CCDC3: variants seen among roughly 807,000 people sequenced by gnomAD.
The protein encoded by CCDC3 is coiled-coil domain containing 3, also known as coiled-coil domain-containing protein 3.
CCDC3 carries 24 observed loss-of-function variants against 21.4 expected under a neutral mutation model. That is an observed-to-expected ratio of 1.12 (90% CI 0.81 to 1.58). The LOEUF (loss-of-function observed/expected upper bound fraction) is 1.58. CCDC3 is among the 40% of genes most tolerant of loss of function. CCDC3 has a pLI of 0.00. For missense variants in CCDC3, 425 were observed against 360.9 expected (o/e 1.18, Z -1.44); for synonymous variants, 186 against 166.0 (o/e 1.12, Z -0.93).
In CCDC3 at chr10:12,898,898, C is replaced by G. The variant is rs1159248760; in HGVS notation, c.550-219G>C. Among the ~76,000 whole-genome samples the G allele has an allele frequency of 2.6e-5, 4 of 152,196 alleles. No individual in the cohort carries two copies. The East Asian group carries it at 7.7e-4, about 29-fold the overall frequency. On this transcript the variant is annotated intron_variant, in intron 2 of 2. Coordinates refer to ENST00000378825, the MANE Select transcript of CCDC3 (RefSeq NM_031455.4). ...CCTCAAATACAGAGCCCCCGTTTTG[C>G]TTTCCATACTTGGCTTCCTTGGAAG...
At chr10:12,995,646 T>C (rs1835749647) in intron 2 of CCDC3, among the ~76,000 whole-genome samples, 1 of 152,196 alleles carries the variant, frequency 6.6e-6, no homozygotes, top group Non-Finnish European at 1.5e-5. Flanking sequence ...GTCCCTCAGA[T>C]TGAACTAAAT....
chr10:13,056,066 G>T (rs964510956), intron 4 of CCDC3, among the ~76,000 whole-genome samples: 6 of 152,222 alleles, frequency 3.9e-5, no homozygotes, highest in African/African-American at 1.4e-4. Context: ...TGTATCAGTT[G>T]TGGTAGGGAA....
chr10:12,989,785 T>C (rs1426619486), intron 2 of CCDC3, among the ~76,000 whole-genome samples: 1 of 152,176 alleles, frequency 6.6e-6, no homozygotes, highest in East Asian at 1.9e-4. Flanking sequence ...AAGATGTTAT[T>C]TATTTGTCTT....
intron 5 of CCDC3, among the ~76,000 whole-genome samples, chr10:13,030,188 A>G (rs972610337): frequency 6.6e-6 from 1 of 152,236 alleles, no homozygotes; most frequent in Non-Finnish European, 1.5e-5. Flanking sequence ...GCTAACATTC[A>G]ACATTCTTAA....
chr10:12,955,303 C>A (rs979963981), intron 2 of CCDC3, among the ~76,000 whole-genome samples: 1 of 152,180 alleles, frequency 6.6e-6, no homozygotes, highest in Non-Finnish European at 1.5e-5. Flanking sequence ...CTTGGGCAAC[C>A]TGTAGTCTTT....
intron 2 of CCDC3, among the ~76,000 whole-genome samples, chr10:12,953,717 C>T (rs767907039): frequency 7.9e-5 from 12 of 152,258 alleles, no homozygotes; most frequent in African/African-American, 1.2e-4. Flanking sequence ...CAGGGGGCCT[C>T]GAGGCACTCG....
intron 2 of CCDC3, among the ~76,000 whole-genome samples, chr10:12,943,632 TAAC>T (rs75538973): frequency 0.049 from 7,477 of 152,236 alleles, 214 homozygotes; most frequent in Non-Finnish European, 0.07. Context: ...CCCATCTGCA[TAAC>T]AACAGATTAG....
intron 2 of CCDC3, among the ~76,000 whole-genome samples, chr10:12,918,378 A>AT (rs1290751275): frequency 6.6e-6 from 1 of 152,244 alleles, no homozygotes; most frequent in Non-Finnish European, 1.5e-5. Context: ...CTTTGAATGG[A>AT]TCAAACACTA....
At chr10:13,002,396 T>C (rs7476860), upstream of CCDC3, among the ~76,000 whole-genome samples, 1 of 152,122 alleles carries the variant, frequency 6.6e-6, no homozygotes, top group African/African-American at 2.4e-5. Context: ...TTGTTTTTTG[T>C]TTTTTTCTTG....
At chr10:12,997,894 C>T (rs1835786573) in intron 2 of CCDC3, among the ~76,000 whole-genome samples, 1 of 152,212 alleles carries the variant, frequency 6.6e-6, no homozygotes, top group Non-Finnish European at 1.5e-5. Flanking sequence ...ATAAAATACA[C>T]TAACACTAAC....
Position 13,049,454 on chromosome 10 carries a change from C to T in CCDC3, c.-2+220G>A, listed in dbSNP as rs980202903. ...CCAAAATGCATTTTGCTCTTTGGAA[C>T]CCTCAGTTCCAACCTGTGACGCTGG... On this transcript the variant is annotated intron_variant, in intron 5 of 6. Coordinates refer to the CCDC3 transcript ENST00000378839. 1.3e-5 allele frequency among the ~76,000 whole-genome samples: 2 copies of T among 152,202 alleles called. 1 individual carries two copies. Among genetic ancestry groups the T allele is most frequent in the Admixed American group, 1.3e-4 (2 of 15,270 alleles).
chr10:13,021,850 C>A (rs1836150862), intron 5 of CCDC3, among the ~76,000 whole-genome samples: 1 of 152,060 alleles, frequency 6.6e-6, no homozygotes, highest in African/African-American at 2.4e-5. Flanking sequence ...TGCAACCTCT[C>A]CCAGGTTCAA....
intron 2 of CCDC3, among the ~76,000 whole-genome samples, chr10:12,978,437 G>T (rs764235915): frequency 6.6e-6 from 1 of 152,138 alleles, no homozygotes; most frequent in East Asian, 1.9e-4. Context: ...ACTTTAACTC[G>T]AATTATCCGA....
chr10:13,024,031 G>GT (rs1836184377), intron 5 of CCDC3, among the ~76,000 whole-genome samples: 1 of 152,188 alleles, frequency 6.6e-6, no homozygotes, highest in African/African-American at 2.4e-5. Context: ...TGATGGCTCA[G>GT]TTCTACTCCC....
intron 5 of CCDC3, among the ~76,000 whole-genome samples, chr10:13,016,211 C>T (rs1407720770): frequency 1.3e-5 from 2 of 151,854 alleles, no homozygotes; most frequent in East Asian, 3.9e-4. Context: ...TCTCAAAATT[C>T]CCCTCCCATA....
chr10:12,999,092 T>C (rs909861346), intron 1 of CCDC3, among the ~76,000 whole-genome samples: 10 of 151,922 alleles, frequency 6.6e-5, no homozygotes, highest in African/African-American at 2.4e-4. Context: ...ATACAAAAAT[T>C]AGCTGGGCAC....
At chr10:12,983,668 CAAAA>C (rs34200519) in intron 2 of CCDC3, among the ~76,000 whole-genome samples, 2,268 of 134,944 alleles carry the variant, frequency 0.017, 64 homozygotes, top group African/African-American at 0.057. Flanking sequence ...AAAGAAGTGG[CAAAA>C]AAAAAAAAAA....
chr10:12,971,374 G>A (rs1835341133), intron 2 of CCDC3, among the ~76,000 whole-genome samples: 2 of 152,170 alleles, frequency 1.3e-5, no homozygotes, highest in South Asian at 2.1e-4. Flanking sequence ...GCCACAAATT[G>A]GTCTTTGAGA....
chr10:12,978,391 C>G (rs1051173262), intron 2 of CCDC3, among the ~76,000 whole-genome samples: 6 of 152,206 alleles, frequency 3.9e-5, no homozygotes, highest in Non-Finnish European at 8.8e-5. Context: ...TTCAAATGTA[C>G]ATGTTCACAG....
Sources: allele counts gnomAD v4.1 joint callset (sites outside exome capture counted in the v4.1 genomes callset), GRCh38; gene constraint gnomAD v4.1.1; transcripts MANE v1.5; gene names NCBI Gene and HGNC (gene_info 2026-07-23, HGNC 2026-07-21).